The following LRP6 variants were observed in gnomAD, a reference collection of about 807,000 sequenced individuals.
LRP6 encodes the protein low-density lipoprotein receptor-related protein 6.
A neutral mutation model predicts 184.1 loss-of-function variants in LRP6; 43 were observed. That is an observed-to-expected ratio of 0.23 (90% CI 0.18 to 0.30). The LOEUF is 0.30. LRP6 is among the 10% of genes least tolerant of loss of function. The pLI is 1.00. For missense variants in LRP6, 1,571 were observed against 2,005.3 expected (o/e 0.78, Z 4.14); for synonymous variants, 719 against 684.9 (o/e 1.05, Z -0.78).
At chr12:12,148,604 C>T (rs1200735543) in intron 14 of LRP6, among the ~76,000 whole-genome samples, 1 of 152,114 alleles carries the variant, frequency 6.6e-6, no homozygotes, top group Non-Finnish European at 1.5e-5. Flanking sequence ...GGCACAGATA[C>T]AGAGTACTGA....
At chr12:12,232,088 A>G (rs1864805957) in intron 2 of LRP6, among the ~76,000 whole-genome samples, 2 of 152,102 alleles carry the variant, frequency 1.3e-5, no homozygotes, top group African/African-American at 4.8e-5. Context: ...TATACTTTAA[A>G]TAGTTAAGTG....
intron 1 of LRP6, among the ~76,000 whole-genome samples, chr12:12,249,727 G>T (rs1865278200): frequency 9.2e-6 from 1 of 108,212 alleles, no homozygotes; most frequent in African/African-American, 3.1e-5. Context: ...AAGGAAGGAA[G>T]GAAGGAAATA....
intron 7 of LRP6, among the ~76,000 whole-genome samples, chr12:12,176,695 T>C (rs1479639509): frequency 6.6e-6 from 1 of 152,124 alleles, no homozygotes; most frequent in African/African-American, 2.4e-5. Context: ...GTAGCATAAA[T>C]GAATGAACAC....
chr12:12,199,132 A>T (rs3782528), intron 3 of LRP6, among the ~76,000 whole-genome samples: 60,095 of 147,934 alleles, frequency 0.41, 14,432 homozygotes, highest in East Asian at 0.76. Flanking sequence ...AGCACCATTT[A>T]AAAAAAAAAA....
chr12:12,132,029 A>G lies in LRP6; in HGVS notation c.3762T>C (p.Phe1254=). The G allele has an allele frequency of 6.2e-7, 1 of 1,614,136 alleles. No individual in the cohort carries two copies. The highest frequency in any genetic ancestry group is 8.5e-7 in the Non-Finnish European group (1 of 1,179,966). ...AGTCAATTTCCCCCGTGAAACAAGT[A>G]AACTGCTGAGGAGAACATGTTGGAG... ...GEPPTCSPQQ[F]TCFTGEIDCI... The change falls in exon 18 of 23, where the codon TTT becomes TTC. Residue 1254 remains phenylalanine (F), a synonymous_variant. Coordinates refer to ENST00000261349, the MANE Select transcript of LRP6 (RefSeq NM_002336.3).
chr12:12,196,504 T>C (rs543257498), intron 3 of LRP6, among the ~76,000 whole-genome samples: 44 of 152,144 alleles, frequency 2.9e-4, no homozygotes, highest in Non-Finnish European at 4.6e-4. Context: ...AGCTAGTTTG[T>C]TGTTTGTGTA....
At chr12:12,232,210 T>C (rs762033131) in intron 2 of LRP6, among the ~76,000 whole-genome samples, 40 of 151,444 alleles carry the variant, frequency 2.6e-4, no homozygotes, top group Non-Finnish European at 5.9e-5. Flanking sequence ...GGTGAAACCC[T>C]GTCTCTACTA....
intron 1 of LRP6, among the ~76,000 whole-genome samples, chr12:12,266,200 GA>G (rs956495237): frequency 6.6e-6 from 1 of 152,076 alleles, no homozygotes; most frequent in Non-Finnish European, 1.5e-5. Context: ...ACAAGGCCTG[GA>G]AAAAATAGCA....
At chr12:12,218,358 T>C (rs550529437) in intron 2 of LRP6, among the ~76,000 whole-genome samples, 4 of 151,776 alleles carry the variant, frequency 2.6e-5, no homozygotes, top group Non-Finnish European at 5.9e-5. Flanking sequence ...CCACCTATGG[T>C]CCCAGCTACT....
intron 2 of LRP6, among the ~76,000 whole-genome samples, chr12:12,219,951 T>C (rs554986539): frequency 2.0e-5 from 3 of 152,040 alleles, no homozygotes; most frequent in Admixed American, 6.6e-5. Flanking sequence ...TCTGGTGAGG[T>C]TGAAGGCAAC....
At chr12:12,142,784 C>T (rs1565553644) in intron 15 of LRP6, among the ~76,000 whole-genome samples, 1 of 152,032 alleles carries the variant, frequency 6.6e-6, no homozygotes, top group Non-Finnish European at 1.5e-5. Flanking sequence ...TTTTATTTAT[C>T]CCAGTAAACT....
chr12:12,183,607 T>C (rs938026308), intron 5 of LRP6, among the ~76,000 whole-genome samples: 6 of 152,236 alleles, frequency 3.9e-5, no homozygotes, highest in Non-Finnish European at 7.3e-5. Flanking sequence ...GCTAAAAGTT[T>C]AATAAACATA....
chr12:12,152,544 C>T (rs1425020522), intron 12 of LRP6, among the ~76,000 whole-genome samples: 2 of 152,192 alleles, frequency 1.3e-5, no homozygotes, highest in Non-Finnish European at 1.5e-5. Context: ...CTCAGCCTCC[C>T]AAAGTGCTGG....
At position 12,163,988 on chromosome 12, in the gene LRP6, G is replaced by T. The variant is rs77653494; in HGVS notation, c.2052+285C>A. On this transcript the variant is annotated intron_variant, in intron 9 of 22. Coordinates refer to ENST00000261349, the MANE Select transcript of LRP6 (RefSeq NM_002336.3). ...CTACTAAAAATACAAAAATTAGCTG[G>T]GCGTCGTGGCACGCACCTGTAGTCC... is the stretch of plus-strand genomic sequence containing the variant. 0.19 allele frequency among the ~76,000 whole-genome samples: 28,253 copies of T among 152,000 alleles called. 2,793 individuals carry two copies. The highest frequency in any genetic ancestry group is 0.24 in the African/African-American group (10,083 of 41,442).
chr12:12,210,992 G>A (rs567465178), intron 2 of LRP6: 2 of 152,104 alleles, frequency 1.3e-5, no homozygotes, highest in Non-Finnish European at 2.9e-5. Flanking sequence ...TGAAGAAATC[G>A]GACCTACTTC....
chr12:12,207,929 C>T (rs1864109821), intron 2 of LRP6, among the ~76,000 whole-genome samples: 1 of 152,030 alleles, frequency 6.6e-6, no homozygotes, highest in South Asian at 2.1e-4. Context: ...AGGCAATCCC[C>T]CAGAAAGCCA....
Position 12,160,105 on chromosome 12 carries a change from C to T in LRP6, c.2280-141G>A, listed in dbSNP as rs1591899550. 6 of 629,732 alleles carry T rather than the reference C, an allele frequency of 9.5e-6. No individual in the cohort carries two copies. In the South Asian group the frequency reaches 1.5e-4, roughly 15 times the overall value. 39.0% of individuals were successfully genotyped at this position (629,732 alleles called of 1,614,324 possible). On this transcript the variant is annotated intron_variant, in intron 10 of 22. Transcript: ENST00000261349. ...AATGGGTTAAACAAAATCACGGCTA[C>T]AATGCTTTCAATTATTTTGGCACCC...
intron 7 of LRP6, among the ~76,000 whole-genome samples, chr12:12,175,531 C>G (rs541007728): frequency 1.4e-4 from 21 of 151,084 alleles, no homozygotes; most frequent in African/African-American, 5.1e-4. Context: ...ACTAAAAATA[C>G]AAAAAATTAG....
intron 1 of LRP6, among the ~76,000 whole-genome samples, chr12:12,266,005 A>T (rs1352776135): frequency 6.6e-6 from 1 of 152,020 alleles, no homozygotes; most frequent in African/African-American, 2.4e-5. Context: ...ACACTTGCAT[A>T]CTCCGAAAAT....
Sources: gnomAD v4.1 joint callset for allele counts (sites outside exome capture counted in the v4.1 genomes callset) on GRCh38, gnomAD v4.1.1 for gene constraint, MANE v1.5 for transcripts, NCBI Gene and HGNC (gene_info 2026-07-23, HGNC 2026-07-21) for gene names.